The following CDH18 variants were observed in gnomAD, a reference collection of about 807,000 sequenced individuals.
CDH18 encodes cadherin-18.
CDH18 carries 31 observed loss-of-function variants against 67.9 expected under a neutral mutation model. The ratio of observed to expected loss-of-function variants is 0.46; its 90% CI spans 0.34 to 0.62. The LOEUF is 0.62. CDH18 is among the 20% of genes least tolerant of loss of function. CDH18 has a pLI of 0.01. For synonymous variants in CDH18, 362 were observed against 347.2 expected, an observed-to-expected ratio of 1.04 and a Z score of -0.48; for missense variants, 890 against 975.5, an observed-to-expected ratio of 0.91 and a Z score of 1.17.
intron 3 of CDH18, among the ~76,000 whole-genome samples, chr5:19,825,820 G>A (rs1029396199): frequency 7.2e-5 from 11 of 152,126 alleles, no homozygotes; most frequent in Admixed American, 4.6e-4. Flanking sequence ...AACTCAAAAA[G>A]CCAGAGTGTC....
intron 1 of CDH18, among the ~76,000 whole-genome samples, chr5:20,280,005 A>T (rs1182719440): frequency 6.6e-6 from 1 of 152,058 alleles, no homozygotes; most frequent in African/African-American, 2.4e-5. Flanking sequence ...AAAACATTGA[A>T]ATTACATCAA....
intron 3 of CDH18, among the ~76,000 whole-genome samples, chr5:19,774,992 T>C (rs1200279457): frequency 6.6e-6 from 1 of 152,056 alleles, no homozygotes; most frequent in Non-Finnish European, 1.5e-5. Context: ...TAATTATTTC[T>C]GTTAATAAAC....
intron 3 of CDH18, among the ~76,000 whole-genome samples, chr5:19,781,721 A>C (rs954061232): frequency 3.3e-5 from 5 of 152,188 alleles, no homozygotes; most frequent in African/African-American, 1.2e-4. Context: ...AAACACTCAC[A>C]ATAGTCTGAG....
chr5:19,570,752 G>C (rs962236559), intron 8 of CDH18, among the ~76,000 whole-genome samples: 80 of 152,100 alleles, frequency 5.3e-4, no homozygotes, highest in African/African-American at 1.8e-3. Context: ...AAAAAGCTTT[G>C]ATTATCTCTC....
chr5:20,115,936 C>T (rs891811141), intron 2 of CDH18, among the ~76,000 whole-genome samples: 1 of 152,128 alleles, frequency 6.6e-6, no homozygotes, highest in Non-Finnish European at 1.5e-5. Context: ...TTCTTCAATT[C>T]TCCCCATCCT....
chr5:19,573,770 C>T (rs1423372818), intron 7 of CDH18, among the ~76,000 whole-genome samples: 1 of 152,064 alleles, frequency 6.6e-6, no homozygotes, highest in African/African-American at 2.4e-5. Flanking sequence ...AAAAATGGTC[C>T]CTCTTGGCTT....
chr5:20,464,287 A>G (rs1369492991), intron 1 of CDH18, among the ~76,000 whole-genome samples: 2 of 152,210 alleles, frequency 1.3e-5, no homozygotes, highest in Non-Finnish European at 2.9e-5. Context: ...GGTGCACATT[A>G]AATGTATTTG....
At chr5:20,448,531 C>G (rs1210620343) in intron 1 of CDH18, among the ~76,000 whole-genome samples, 1 of 152,028 alleles carries the variant, frequency 6.6e-6, no homozygotes, top group African/African-American at 2.4e-5. Flanking sequence ...TTAAAATTCA[C>G]CCTTTCCTAG....
chr5:20,533,181 G>T (rs1400136108), intron 1 of CDH18, among the ~76,000 whole-genome samples: 1 of 152,034 alleles, frequency 6.6e-6, no homozygotes, highest in Admixed American at 6.6e-5. Flanking sequence ...GAATGTCTAA[G>T]GTGAACAGCA....
chr5:19,912,285 C>T (rs1372804083), intron 2 of CDH18, among the ~76,000 whole-genome samples: 1 of 152,004 alleles, frequency 6.6e-6, no homozygotes, highest in Non-Finnish European at 1.5e-5. Flanking sequence ...ATTCACATCA[C>T]ATGAAGTTTC....
intron 1 of CDH18, among the ~76,000 whole-genome samples, chr5:20,476,372 A>T (rs930736143): frequency 6.6e-6 from 1 of 152,126 alleles, no homozygotes; most frequent in Admixed American, 6.5e-5. Context: ...TGAAAATAAA[A>T]TACCAACATA....
intron 1 of CDH18, among the ~76,000 whole-genome samples, chr5:20,526,782 T>A (rs1387055073): frequency 6.6e-6 from 1 of 151,948 alleles, no homozygotes; most frequent in Admixed American, 6.6e-5. Context: ...CAAAGTTAGG[T>A]AAATCCACAA....
intron 1 of CDH18, among the ~76,000 whole-genome samples, chr5:20,307,608 A>G (rs1736587498): frequency 6.6e-6 from 1 of 152,192 alleles, no homozygotes; most frequent in Non-Finnish European, 1.5e-5. Flanking sequence ...ACTGGCATGC[A>G]TTGCCTACCA....
chr5:19,600,949 T>G (rs546603249), intron 6 of CDH18, among the ~76,000 whole-genome samples: 9 of 152,318 alleles, frequency 5.9e-5, no homozygotes, highest in African/African-American at 2.2e-4. Flanking sequence ...GCTCAGCTAG[T>G]TTTAAGTTGC....
chr5:20,087,481 A>G (rs199819040), intron 2 of CDH18, among the ~76,000 whole-genome samples: 24 of 13,406 alleles, frequency 1.8e-3, no homozygotes, highest in Admixed American at 9.2e-3. Context: ...TTTTGTGGGG[A>G]AAAAAAAAAA....
chr5:19,692,919 A>G (rs549384248), intron 5 of CDH18, among the ~76,000 whole-genome samples: 2 of 152,234 alleles, frequency 1.3e-5, no homozygotes, highest in East Asian at 1.9e-4. Context: ...AAATCAGTAT[A>G]TCAAAGGTAT....
chr5:19,482,739 C>G (rs1002979428), intron 12 of CDH18, among the ~76,000 whole-genome samples: 1 of 152,164 alleles, frequency 6.6e-6, no homozygotes, highest in East Asian at 1.9e-4. Flanking sequence ...TAGTTACACT[C>G]TTTTTTCACG....
At chr5:19,901,461 A>G (rs1475179197) in intron 2 of CDH18, among the ~76,000 whole-genome samples, 2 of 152,242 alleles carry the variant, frequency 1.3e-5, no homozygotes, top group East Asian at 3.9e-4. Context: ...TACATTAATT[A>G]CATTGGAAGC....
rs1364334223 is a variant in CDH18, at chr5:20,172,212, ATATATATATATG to A, written c.-518+83220_-518+83231del. ...TGTGTATATATATATATATATATAT[ATATATATATATG>A]TATATATATATATATGTATATATAT... On this transcript the variant is annotated intron_variant, in intron 2 of 14. Coordinates refer to the CDH18 transcript ENST00000507958. 1.2e-4 allele frequency among the ~76,000 whole-genome samples: 6 copies of A among 50,722 alleles called. 1 individual carries two copies. Among genetic ancestry groups the A allele is most frequent in the African/African-American group, 2.6e-4 (3 of 11,590 alleles). The allele number at this position is 50,722 out of a possible 152,430, so 33.3% of individuals were successfully genotyped here.
Sources: gnomAD v4.1 joint callset for allele counts (sites outside exome capture counted in the v4.1 genomes callset) on GRCh38, gnomAD v4.1.1 for gene constraint, MANE v1.5 for transcripts, NCBI Gene and HGNC (gene_info 2026-07-23, HGNC 2026-07-21) for gene names.